The following PTDSS1 variants were observed in gnomAD, a reference collection of about 807,000 sequenced individuals.
PTDSS1 encodes the protein phosphatidylserine synthase 1.
In PTDSS1, 45 loss-of-function variants were observed where a neutral mutation model predicts 70.5. That is an observed-to-expected ratio of 0.64 (90% CI 0.50 to 0.82). PTDSS1 has a LOEUF of 0.82. PTDSS1 is among the 40% of genes least tolerant of loss of function. The pLI is 0.00. For missense variants in PTDSS1, 417 were observed against 586.1 expected (o/e 0.71, Z 2.98); for synonymous variants, 188 against 203.8 (o/e 0.92, Z 0.66).
At chr8:96,313,124 C>A (rs545330292) in intron 9 of PTDSS1, among the ~76,000 whole-genome samples, 29 of 152,278 alleles carry the variant, frequency 1.9e-4, no homozygotes, top group African/African-American at 6.7e-4. Context: ...GCACTCCACC[C>A]TTTTTCTCCT....
chr8:96,318,578 G>T (rs1383592025), intron 9 of PTDSS1, among the ~76,000 whole-genome samples: 1 of 152,144 alleles, frequency 6.6e-6, no homozygotes, highest in Non-Finnish European at 1.5e-5. Context: ...GACTTTAGAA[G>T]TACAGTGAGA....
chr8:96,261,921 G>T lies in PTDSS1; in HGVS notation c.-120G>T. On this transcript the variant is annotated 5_prime_UTR_variant, in exon 1 of 13. Coordinates refer to ENST00000517309, the MANE Select transcript of PTDSS1 (RefSeq NM_014754.3). The stretch of plus-strand genomic sequence containing the variant: ...GTCCTTCCCTCTGCTCCCAGCCTTT[G>T]CTGGGCGCCAGACCCGGCTTTGCCG... The T allele has an allele frequency of 9.1e-7, 1 of 1,094,218 alleles. No individual in the cohort carries two copies. Among genetic ancestry groups the T allele is most frequent in the Non-Finnish European group, 1.3e-6 (1 of 781,120 alleles). The allele number at this position is 1,094,218 out of a possible 1,614,324, so 67.8% of individuals were successfully genotyped here.
intron 4 of PTDSS1, among the ~76,000 whole-genome samples, chr8:96,287,655 G>A (rs764710430): frequency 2.6e-5 from 4 of 151,980 alleles, no homozygotes; most frequent in Non-Finnish European, 5.9e-5. Flanking sequence ...GCACTCTCTG[G>A]CCTTGATGCC....
At chr8:96,301,820 T>G (rs1011381128) in intron 6 of PTDSS1, among the ~76,000 whole-genome samples, 21 of 152,052 alleles carry the variant, frequency 1.4e-4, no homozygotes, top group African/African-American at 5.1e-4. Flanking sequence ...CAGCCTTTCT[T>G]CTAGTTCTTT....
intron 9 of PTDSS1, among the ~76,000 whole-genome samples, chr8:96,316,902 GA>G (rs1419978888): frequency 6.6e-6 from 1 of 152,074 alleles, no homozygotes; most frequent in East Asian, 1.9e-4. Context: ...GCTGAGGCAG[GA>G]GAATCACTTG....
intron 10 of PTDSS1, among the ~76,000 whole-genome samples, chr8:96,329,350 G>A (rs190779120): frequency 6.6e-6 from 1 of 152,136 alleles, no homozygotes; most frequent in Admixed American, 6.5e-5. Flanking sequence ...GTGTGGCCGG[G>A]GAGATTCATG....
chr8:96,288,937 AT>A (rs376447432), intron 4 of PTDSS1, among the ~76,000 whole-genome samples: 2 of 145,082 alleles, frequency 1.4e-5, no homozygotes, highest in African/African-American at 5.2e-5. Flanking sequence ...CCCATGATCA[AT>A]TTTTTTTTCT....
chr8:96,318,664 T>C (rs534993768), intron 9 of PTDSS1, among the ~76,000 whole-genome samples: 10 of 152,274 alleles, frequency 6.6e-5, no homozygotes, highest in African/African-American at 2.4e-4. Flanking sequence ...CTTTAAAGAT[T>C]CAAGCCAACC....
chr8:96,316,097 T>G (rs1165099856), intron 9 of PTDSS1, among the ~76,000 whole-genome samples: 1 of 152,118 alleles, frequency 6.6e-6, no homozygotes, highest in African/African-American at 2.4e-5. Flanking sequence ...CCAGAGGTAA[T>G]GGTGGGGGCG....
chr8:96,321,123 A>G (rs1811367788), intron 10 of PTDSS1, among the ~76,000 whole-genome samples: 1 of 152,254 alleles, frequency 6.6e-6, no homozygotes, highest in Non-Finnish European at 1.5e-5. Context: ...TAGAGAGGAT[A>G]GATGGCCCCT....
chr8:96,281,916 G>A, intron 2 of PTDSS1, among the ~76,000 whole-genome samples: 1 of 152,190 alleles, frequency 6.6e-6, no homozygotes, highest in East Asian at 1.9e-4. Flanking sequence ...GAGTCCTTAT[G>A]ACACTGTGTG....
intron 2 of PTDSS1, among the ~76,000 whole-genome samples, chr8:96,273,679 G>A (rs1810599158): frequency 6.6e-6 from 1 of 152,192 alleles, no homozygotes; most frequent in Non-Finnish European, 1.5e-5. Flanking sequence ...GAACATGACT[G>A]ACAAATTATA....
intron 4 of PTDSS1, 116 bp from the exon 5 acceptor site, chr8:96,294,982 G>A: frequency 1.0e-6 from 1 of 972,164 alleles, no homozygotes; most frequent in Non-Finnish European, 1.4e-6. Context: ...ATTTGTTACT[G>A]AGCAGGACTT....
At chr8:96,329,763 C>T (rs144589586) in intron 10 of PTDSS1, among the ~76,000 whole-genome samples, 71 of 152,300 alleles carry the variant, frequency 4.7e-4, no homozygotes, top group African/African-American at 1.6e-3. Flanking sequence ...AGTGTTTGTC[C>T]GTGGGCCCTC....
At chr8:96,316,866 C>T (rs1477882326) in intron 9 of PTDSS1, among the ~76,000 whole-genome samples, 1 of 151,830 alleles carries the variant, frequency 6.6e-6, no homozygotes, top group African/African-American at 2.4e-5. Context: ...TGGTGGCACA[C>T]GCCTGTAGTC....
chr8:96,281,330 T>C (rs757589871), intron 2 of PTDSS1, among the ~76,000 whole-genome samples: 14 of 152,264 alleles, frequency 9.2e-5, no homozygotes, highest in Non-Finnish European at 7.3e-5. Flanking sequence ...TGGGCAGTTA[T>C]GACAAGGCTC....
At chr8:96,288,647 T>TTTTTA in intron 4 of PTDSS1, among the ~76,000 whole-genome samples, 1 of 146,212 alleles carries the variant, frequency 6.8e-6, no homozygotes, top group African/African-American at 2.6e-5. Flanking sequence ...TTTTTTTTTT[T>TTTTTA]GAGATGGTGC....
At chr8:96,292,744 A>C (rs999494480) in intron 4 of PTDSS1, among the ~76,000 whole-genome samples, 4 of 152,214 alleles carry the variant, frequency 2.6e-5, no homozygotes, top group Non-Finnish European at 5.9e-5. Context: ...GTGAAAGCTC[A>C]GTGGAGCAGA....
chr8:96,276,899 C>G (rs1381611394), intron 2 of PTDSS1, among the ~76,000 whole-genome samples: 1 of 151,938 alleles, frequency 6.6e-6, no homozygotes, highest in Non-Finnish European at 1.5e-5. Flanking sequence ...CTGAGCCTTC[C>G]TACTGTCTCC....
Sources: gnomAD v4.1 joint callset for allele counts (sites outside exome capture counted in the v4.1 genomes callset) on GRCh38, gnomAD v4.1.1 for gene constraint, MANE v1.5 for transcripts, NCBI Gene and HGNC (gene_info 2026-07-23, HGNC 2026-07-21) for gene names.